Variants in NLRP2 observed in about 807,000 individuals in gnomAD.
NLRP2 encodes NACHT, LRR and PYD domains-containing protein 2.
A neutral mutation model predicts 97.2 loss-of-function variants in NLRP2; 107 were observed. The observed-to-expected ratio is 1.10, with a 90% CI of 0.94 to 1.29. NLRP2 has a LOEUF of 1.29. NLRP2 is among the 50% of genes most tolerant of loss of function. NLRP2 has a pLI of 0.00. For synonymous variants in NLRP2, 663 were observed against 551.5 expected, an observed-to-expected ratio of 1.20 and a Z score of -2.83; for missense variants, 1,495 against 1,330.3, an observed-to-expected ratio of 1.12 and a Z score of -1.93.
Position 54,970,321 on chromosome 19 carries a change from G to T in NLRP2, c.280+26G>T. ...GTGAGTGGAAATCGGTCCACACTGT[G>T]TCCTAGGAGGAAGCAGGCGTCCTCT... On this transcript the variant is annotated intron_variant, in intron 2 of 12. Transcript: ENST00000448584. 1.9e-6 allele frequency: 3 copies of T among 1,613,614 alleles called. 1 individual carries two copies. In the South Asian group the frequency reaches 3.3e-5, roughly 18 times the overall value.
chr19:54,984,329 G>GTTTTT (rs200366059), intron 6 of NLRP2, among the ~76,000 whole-genome samples: 1,193 of 79,628 alleles, frequency 0.015, 66 homozygotes, highest in African/African-American at 0.035. Context: ...TTTTTTTTGT[G>GTTTTT]TTTTTTTTTT....
intron 4 of NLRP2, among the ~76,000 whole-genome samples, chr19:54,978,253 A>C (rs940102644): frequency 3.9e-4 from 37 of 95,206 alleles, no homozygotes; most frequent in Non-Finnish European, 7.3e-4. Flanking sequence ...TTTTTTTTTG[A>C]GACGAAGTCT....
At chr19:54,998,042 T>TTC (rs1568545631) in intron 12 of NLRP2, among the ~76,000 whole-genome samples, 1 of 147,662 alleles carries the variant, frequency 6.8e-6, no homozygotes, top group Non-Finnish European at 1.5e-5. Context: ...TTTTTTTTTT[T>TTC]CTGAGATGGA....
intron 8 of NLRP2, among the ~76,000 whole-genome samples, chr19:54,987,457 GC>G (rs2072170285): frequency 1.3e-5 from 2 of 152,116 alleles, no homozygotes; most frequent in Admixed American, 6.6e-5. Flanking sequence ...GTGGTCATTG[GC>G]CTCAAATTAT....
At chr19:54,977,685 C>CTT (rs1436207937) in intron 3 of NLRP2, 67 bp from the exon 4 acceptor site, 89 of 1,499,338 alleles carry the variant, frequency 5.9e-5, no homozygotes, top group Middle Eastern at 1.9e-4. Context: ...AGGGGTCCAA[C>CTT]TTGAGCCATC....
At chr19:54,984,769 C>CA (rs986541441) in intron 6 of NLRP2, among the ~76,000 whole-genome samples, 34 of 152,148 alleles carry the variant, frequency 2.2e-4, no homozygotes, top group African/African-American at 8.2e-4. Flanking sequence ...AGGCGTGAGT[C>CA]ACCGTGCCCG....
rs1479045391 is a variant in NLRP2 at position 55,000,841 on chromosome 19, T to C, written c.3132T>C (p.Asp1044=). ...AAAAAAACCCACAACTGATTATTGATACTGAGAAACATCATCCCTGGGCAG... is the reference window on the plus strand; with the variant it reads ...AAAAAAACCCACAACTGATTATTGACACTGAGAAACATCATCCCTGGGCAG... ...IEEKNPQLII[D]TEKHHPWAER... The change falls in exon 13 of 13, where the codon GAT becomes GAC. Residue 1044 remains aspartate (D), a synonymous_variant. Coordinates refer to ENST00000448584, the MANE Select transcript of NLRP2 (RefSeq NM_017852.5). The C allele has an allele frequency of 1.2e-6, 2 of 1,613,344 alleles. No homozygotes were observed. Among genetic ancestry groups the C allele is most frequent in the South Asian group, 2.2e-5 (2 of 91,060 alleles).
chr19:54,969,845 G>T (rs1191412116), intron 1 of NLRP2, among the ~76,000 whole-genome samples, 154 bp from the exon 2 acceptor site: 4 of 152,072 alleles, frequency 2.6e-5, no homozygotes, highest in Non-Finnish European at 5.9e-5. Context: ...TCATGGAGAT[G>T]GGGGTCTCAC....
chr19:54,989,464 T>A, intron 8 of NLRP2: 2 of 173,822 alleles, frequency 1.2e-5, no homozygotes, highest in South Asian at 1.4e-4. Context: ...AGAGCATAAA[T>A]AACTCCCTTT....
intron 7 of NLRP2, among the ~76,000 whole-genome samples, chr19:54,985,457 C>G (rs1213562854): frequency 6.6e-6 from 1 of 152,112 alleles, no homozygotes; most frequent in Non-Finnish European, 1.5e-5. Flanking sequence ...GCAGACAGAT[C>G]ACTTGAGGTC....
upstream of NLRP2, chr19:54,966,035 TA>T (rs2070378152): frequency 2.0e-5 from 3 of 149,492 alleles, no homozygotes; most frequent in South Asian, 6.4e-4. Flanking sequence ...TTATTAATAA[TA>T]TACCTGGGGT....
At position 54,994,296 on chromosome 19, in the gene NLRP2, T is replaced by C. The variant is rs914081994; in HGVS notation, c.2736T>C (p.Asp912=). The C allele has an allele frequency of 6.2e-7, 1 of 1,614,150 alleles. No individual in the cohort carries two copies. Among genetic ancestry groups the C allele is most frequent in the Non-Finnish European group, 8.5e-7 (1 of 1,180,018 alleles). The change falls in exon 11 of 13, where the codon GAT becomes GAC. Residue 912 remains aspartate, a synonymous_variant. Coordinates refer to ENST00000448584, the MANE Select transcript of NLRP2 (RefSeq NM_017852.5). The part of the protein sequence containing the change: ...LVLWNCDITS[D]GCCDLTKLLQ... ...TTTGGAACTGCGACATAACTAGCGA[T>C]GGCTGCTGCGATCTCACAAAGCTTC...
rs771785192 is a variant in NLRP2, at chr19:54,990,639, T to A, written c.2675T>A (p.Leu892Ter). 5 of 1,613,882 alleles carry A rather than the reference T, an allele frequency of 3.1e-6. No homozygotes were observed. Among genetic ancestry groups the A allele is most frequent in the Non-Finnish European group, 4.2e-6 (5 of 1,179,916 alleles). The change falls in exon 10 of 13, where the codon TTG (leucine) becomes TAG (stop). Residue 892 changes from leucine to a stop codon, truncating the protein, a stop_gained. Transcript: ENST00000448584. LOFTEE classifies it high-confidence loss of function. ...NTGVKFLCEG[L>*]RYPECKLQTL... ...GGGGTGAAGTTTCTGTGTGAGGGCT[T>A]GAGGTACCCCGAGTGTAAACTGCAG...
rs536688883 is a variant in NLRP2 at position 54,996,045 on chromosome 19, A to C, written c.2880-1272A>C. ...ACAGTGAGATCCTGTCTCAAAAAAA[A>C]AAAAAAAACAAAAAAAACAAAGGCG... On this transcript the variant is annotated intron_variant, in intron 11 of 12. Coordinates refer to ENST00000448584, the MANE Select transcript of NLRP2 (RefSeq NM_017852.5). Among the ~76,000 whole-genome samples the C allele has an allele frequency of 1.9e-4, 28 of 148,092 alleles. No homozygotes were observed. In the East Asian group the frequency reaches 3.5e-3, roughly 19 times the overall value.
intron 1 of NLRP2, among the ~76,000 whole-genome samples, chr19:54,969,330 T>C (rs995431800): frequency 6.6e-6 from 1 of 151,872 alleles, no homozygotes; most frequent in African/African-American, 2.4e-5. Flanking sequence ...ACAAAAAAAT[T>C]AGCTGGGCAC....
At chr19:54,998,631 CTTTTTT>C (rs1179005483) in intron 12 of NLRP2, among the ~76,000 whole-genome samples, 114 of 61,138 alleles carry the variant, frequency 1.9e-3, no homozygotes, top group African/African-American at 8.0e-3. Context: ...TTTTTTTTTC[CTTTTTT>C]TTTTTTTTTT....
At position 54,984,329 on chromosome 19, in the gene NLRP2, G is replaced by GTTTTTTTTTTTTTTTT. The variant is rs200366059; in HGVS notation, c.2030+609_2030+624dup. Among the ~76,000 whole-genome samples, 80 of 79,664 alleles carry GTTTTTTTTTTTTTTTT rather than the reference G, an allele frequency of 1.0e-3. 6 individuals carry two copies. Among genetic ancestry groups the GTTTTTTTTTTTTTTTT allele is most frequent in the African/African-American group, 2.0e-3 (44 of 21,636 alleles). The allele number at this position is 79,664 out of a possible 152,430, so 52.3% of individuals were successfully genotyped here. A position where few individuals can be genotyped will look rare whatever the true frequency, so the allele number is the denominator to read the frequency against. ...AACTTAAGTGGGGGTTTTTTTTTGT[G>GTTTTTTTTTTTTTTTT]TTTTTTTTTTTTTTTTTTTTTTTGG... is the stretch of plus-strand genomic sequence containing the variant. On this transcript the variant is annotated intron_variant, in intron 6 of 12. Transcript: ENST00000448584.
At chr19:54,996,103 A>AGC (rs2072808272) in intron 11 of NLRP2, among the ~76,000 whole-genome samples, 1 of 150,466 alleles carries the variant, frequency 6.6e-6, no homozygotes, top group African/African-American at 2.4e-5. Context: ...CGTGTAGAGG[A>AGC]GCAAAAAGTT....
chr19:54,990,579 A>G lies in NLRP2; in HGVS notation c.2615A>G (p.His872Arg). The change falls in exon 10 of 13, where the codon CAC becomes CGC. Residue 872 changes from histidine to arginine, a missense_variant. By Grantham distance (29) the His-to-Arg change is conservative. Transcript: ENST00000448584. ...TTGGTTGTCAGCCGGGAGCTGACAC[A>G]CCTGTGCTTGGCCAAGAACCCCATT... ...AVLVVSRELT[H>R]LCLAKNPIGN... 2 of 1,614,120 alleles carry G rather than the reference A, an allele frequency of 1.2e-6. No individual in the cohort carries two copies. The highest frequency in any genetic ancestry group is 1.1e-5 in the South Asian group (1 of 91,068).
Sources: gnomAD v4.1 joint callset for allele counts (sites outside exome capture counted in the v4.1 genomes callset) on GRCh38, gnomAD v4.1.1 for gene constraint, MANE v1.5 for transcripts, NCBI Gene and HGNC (gene_info 2026-07-23, HGNC 2026-07-21) for gene names.